The following ZMYM2 variants were observed in gnomAD, a reference collection of about 807,000 sequenced individuals.
ZMYM2 encodes the protein zinc finger MYM-type containing 2.
A neutral mutation model predicts 162.8 loss-of-function variants in ZMYM2; 56 were observed. The observed-to-expected ratio is 0.34, with a 90% confidence interval of 0.28 to 0.43. The LOEUF is 0.43. Ranked by LOEUF, ZMYM2 falls within the 20% of genes least tolerant of loss-of-function variation. The pLI, the probability that ZMYM2 is intolerant of heterozygous loss-of-function variation, is 1.00. For missense variants in ZMYM2, 1,275 were observed against 1,621.8 expected (o/e 0.79, Z 3.67); for synonymous variants, 510 against 541.6 (o/e 0.94, Z 0.81).
chr13:19,954,417 G>A (rs1054883429), upstream of ZMYM2, among the ~76,000 whole-genome samples: 2 of 151,622 alleles, frequency 1.3e-5, no homozygotes, highest in Non-Finnish European at 2.9e-5. Context: ...CGCCTGGCCT[G>A]TTTAAAATTT....
At chr13:19,949,974 G>A in the ZMYM2 span, among the ~76,000 whole-genome samples, 1 of 151,230 alleles carries the variant, frequency 6.6e-6, no homozygotes, top group Admixed American at 6.6e-5. Flanking sequence ...AGAAGAGAAA[G>A]AAAGGAAGAA....
At chr13:19,958,253 T>C (rs527813348), upstream of ZMYM2, among the ~76,000 whole-genome samples, 1 of 151,964 alleles carries the variant, frequency 6.6e-6, no homozygotes, top group Non-Finnish European at 1.5e-5. Context: ...AGGGAGGGCG[T>C]TGGGGCATCG....
the ZMYM2 span, among the ~76,000 whole-genome samples, chr13:19,910,849 T>G: frequency 6.6e-6 from 1 of 152,092 alleles, no homozygotes; most frequent in Non-Finnish European, 1.5e-5. Flanking sequence ...AGAGTCAAAG[T>G]GGCAATCCAA....
chr13:20,062,851 A>G lies in ZMYM2; in HGVS notation c.2917A>G (p.Ile973Val), dbSNP rs1450099528. 2 of 1,568,720 alleles carry G rather than the reference A, an allele frequency of 1.3e-6. No homozygotes were observed. The highest frequency in any genetic ancestry group is 1.7e-6 in the Non-Finnish European group (2 of 1,155,438). Residue 973 changes from isoleucine (I) to valine (V), a missense_variant, in exon 18 of 25, where the codon ATT becomes GTT. By Grantham distance (29) the Ile-to-Val change is conservative. This residue lies in a region of ZMYM2 where 229 missense variants were observed against 283.8 expected (regional missense o/e 0.81). Transcript: ENST00000610343. ...KTETTNINSV[I>V]IETDIIGSDL... Reference sequence around the variant, plus strand: ...ATAATATGGATTGATTTCAGGTGTAATTATTGAAACAGATATAATTGGTTC... The same window carrying G: ...ATAATATGGATTGATTTCAGGTGTAGTTATTGAAACAGATATAATTGGTTC...
At chr13:19,983,490 G>A (rs1371861278) in intron 2 of ZMYM2, among the ~76,000 whole-genome samples, 1 of 151,858 alleles carries the variant, frequency 6.6e-6, no homozygotes, top group Non-Finnish European at 1.5e-5. Flanking sequence ...TAATCACATT[G>A]GCTGTTACTT....
the ZMYM2 span, among the ~76,000 whole-genome samples, chr13:19,891,348 C>T: frequency 6.6e-6 from 1 of 151,836 alleles, no homozygotes; most frequent in African/African-American, 2.4e-5. Context: ...GGCACCTTGA[C>T]CTTAAACTTC....
At chr13:19,936,319 T>G in the ZMYM2 span, among the ~76,000 whole-genome samples, 2 of 152,192 alleles carry the variant, frequency 1.3e-5, no homozygotes, top group African/African-American at 2.4e-5. Flanking sequence ...CATAAACTAT[T>G]TTACTCCTGT....
At chr13:20,018,763 C>T (rs529652460) in intron 6 of ZMYM2, among the ~76,000 whole-genome samples, 9 of 152,218 alleles carry the variant, frequency 5.9e-5, no homozygotes, top group Admixed American at 3.9e-4. Flanking sequence ...ATGCTGGAAA[C>T]TGTCATATGT....
At chr13:19,920,868 T>G in the ZMYM2 span, among the ~76,000 whole-genome samples, 1 of 151,918 alleles carries the variant, frequency 6.6e-6, no homozygotes, top group Non-Finnish European at 1.5e-5. Context: ...ATTCAAGCAA[T>G]TCTCCTGCCT....
chr13:19,952,500 A>G, the ZMYM2 span, among the ~76,000 whole-genome samples: 1 of 151,964 alleles, frequency 6.6e-6, no homozygotes, highest in Non-Finnish European at 1.5e-5. Flanking sequence ...TATACACTAA[A>G]TATATTCAAT....
At chr13:19,902,434 T>A in the ZMYM2 span, among the ~76,000 whole-genome samples, 1 of 151,212 alleles carries the variant, frequency 6.6e-6, no homozygotes, top group Non-Finnish European at 1.5e-5. Flanking sequence ...CTGACCAACA[T>A]GGAGAAACCC....
intron 2 of ZMYM2, among the ~76,000 whole-genome samples, chr13:19,984,337 A>T (rs2139563407): frequency 6.6e-6 from 1 of 152,344 alleles, no homozygotes; most frequent in South Asian, 2.1e-4. Flanking sequence ...TATGATTTAT[A>T]ATGTGGAGTA....
chr13:20,054,743 A>C (rs56666655), intron 14 of ZMYM2, among the ~76,000 whole-genome samples: 15,395 of 152,248 alleles, frequency 0.1, 1,269 homozygotes, highest in African/African-American at 0.22. Context: ...CAAGAAGTGC[A>C]ACATTGAGCA....
the ZMYM2 span, among the ~76,000 whole-genome samples, chr13:19,884,140 G>C: frequency 6.6e-6 from 1 of 152,172 alleles, no homozygotes; most frequent in Non-Finnish European, 1.5e-5. Flanking sequence ...GAAGGCTGAG[G>C]CAGGATTGCT....
rs1305701122 is a variant in ZMYM2, at chr13:20,019,568, C to G, written c.1534C>G (p.Leu512Val). Reference sequence around the variant, plus strand: ...TTAGGTAGGTAGCCATCCAAGCTTCCTGAAGGAGGTTCGAGATCACATGCA... The same window carrying G: ...TTAGGTAGGTAGCCATCCAAGCTTCGTGAAGGAGGTTCGAGATCACATGCA... ...YKQVGSHPSF[L>V]KEVRDHMQDS... The change falls in exon 7 of 25, where the codon CTG (leucine) becomes GTG (valine). Residue 512 changes from leucine to valine, a missense_variant. By Grantham distance (32) the Leu-to-Val change is conservative. Around this residue, in one of 10 missense-constraint regions of ZMYM2, gnomAD observed 276 missense variants for 311.8 expected, o/e 0.89. Coordinates refer to ENST00000610343, the MANE Select transcript of ZMYM2 (RefSeq NM_197968.4). 6.3e-7 allele frequency: 1 copy of G among 1,593,994 alleles called. No individual in the cohort carries two copies. Among genetic ancestry groups the G allele is most frequent in the Non-Finnish European group, 8.5e-7 (1 of 1,169,652 alleles).
chr13:19,923,663 CTTTTTTTTTTT>C, the ZMYM2 span, among the ~76,000 whole-genome samples: 4 of 72,066 alleles, frequency 5.6e-5, no homozygotes, highest in Non-Finnish European at 7.6e-5. Context: ...CCTGTAGGGA[CTTTTTTTTTTT>C]TTTTTTTTTT....
Position 20,051,318 on chromosome 13 carries a change from T to C in ZMYM2, c.2293-115T>C. ...GTTTACAAATGATTTATATTATAGT[T>C]CTACTTTTTCTGTATCAGTCACGGT... On this transcript the variant is annotated intron_variant, in intron 12 of 24. Coordinates refer to ENST00000610343, the MANE Select transcript of ZMYM2 (RefSeq NM_197968.4). 7.0e-6 allele frequency: 7 copies of C among 996,606 alleles called. No homozygotes were observed. In the South Asian group the frequency reaches 1.2e-4, roughly 17 times the overall value. The allele number at this position is 996,606 out of a possible 1,614,324, so 61.7% of individuals were successfully genotyped here. A position where few individuals can be genotyped will look rare whatever the true frequency, so the allele number is the denominator to read the frequency against.
intron 13 of ZMYM2, 126 bp from the exon 14 acceptor site, chr13:20,052,151 T>G: frequency 1.3e-6 from 1 of 774,248 alleles, no homozygotes; most frequent in Admixed American, 3.2e-5. Flanking sequence ...AATTCTTTCC[T>G]TAAAATAGTC....
At chr13:19,995,319 C>A (rs1017410022) in intron 3 of ZMYM2, among the ~76,000 whole-genome samples, 3 of 152,020 alleles carry the variant, frequency 2.0e-5, no homozygotes, top group African/African-American at 7.2e-5. Context: ...TTTTTGACCA[C>A]GTATCTTTAG....
Sources: gnomAD v4.1 joint callset for allele counts (sites outside exome capture counted in the v4.1 genomes callset) on GRCh38, gnomAD v4.1.1 for gene constraint, gnomAD v4.1.1 regional missense constraint, MANE v1.5 for transcripts, NCBI Gene and HGNC (gene_info 2026-07-23, HGNC 2026-07-21) for gene names.